The following CDH23 variants were observed in gnomAD, a reference collection of about 807,000 sequenced individuals.
The protein encoded by CDH23 is cadherin related 23.
In CDH23, 189 loss-of-function variants were observed where a neutral mutation model predicts 317.1. The observed-to-expected ratio is 0.60, with a 90% CI of 0.53 to 0.67. The LOEUF (loss-of-function observed/expected upper bound fraction) is 0.67, where lower values mean the gene tolerates loss of function less well. Ranked by LOEUF, CDH23 falls within the 30% of genes least tolerant of loss-of-function variation. CDH23 has a pLI of 0.00. For synonymous variants in CDH23, 1,839 were observed against 1,876.8 expected (o/e 0.98, Z 0.52); for missense variants, 4,401 against 4,592.4 (o/e 0.96, Z 1.20).
rs1309879612 is a variant in CDH23, at chr10:71,784,325, G to T, written c.5407G>T (p.Val1803Phe). 1 of 1,613,944 alleles carries T rather than the reference G, an allele frequency of 6.2e-7. No homozygotes were observed. The highest frequency in any genetic ancestry group is 8.5e-7 in the Non-Finnish European group (1 of 1,179,846). Residue 1803 changes from valine to phenylalanine, a missense_variant, in exon 42 of 70, where the codon GTC (valine) becomes TTC (phenylalanine). Val to Phe is a conservative substitution (Grantham distance 50, BLOSUM62 -1). Around this residue, in one of 3 missense-constraint regions of CDH23, gnomAD observed 3,068 missense variants for 3,203.3 expected, o/e 0.96. Transcript: ENST00000224721. ...CTCTCCTGTGGAGGGGGTGCTAAGG[G>T]TCCGGAAGGACGTGGAGCTGGACCG... is the stretch of plus-strand genomic sequence containing the variant. ...VISPVEGVLRVRKDVELDRET... is the reference protein window; with the variant it reads ...VISPVEGVLRFRKDVELDRET...
At chr10:71,588,565 G>A (rs932705631) in intron 9 of CDH23, among the ~76,000 whole-genome samples, 2 of 151,982 alleles carry the variant, frequency 1.3e-5, no homozygotes, top group African/African-American at 4.8e-5. Flanking sequence ...ACACAAACAA[G>A]AAAAACAATG....
intron 3 of CDH23, among the ~76,000 whole-genome samples, chr10:71,466,169 G>A (rs1042226565): frequency 2.6e-5 from 4 of 152,236 alleles, no homozygotes; most frequent in Admixed American, 6.5e-5. Context: ...GACTGTGGGT[G>A]TATGTGCCCG....
chr10:71,511,376 T>A, intron 6 of CDH23, 164 bp downstream of exon 6: 1 of 693,672 alleles, frequency 1.4e-6, no homozygotes. Context: ...GCTGGTACCC[T>A]GGGAATCGGG....
chr10:71,500,825 C>CT, intron 3 of CDH23, among the ~76,000 whole-genome samples: 1 of 132,376 alleles, frequency 7.6e-6, no homozygotes, highest in Admixed American at 7.9e-5. Flanking sequence ...TTTTCTCTTT[C>CT]CTTTCCTTTC....
intron 9 of CDH23, among the ~76,000 whole-genome samples, chr10:71,614,563 C>G (rs78605432): frequency 6.6e-6 from 1 of 152,090 alleles, no homozygotes; most frequent in Non-Finnish European, 1.5e-5. Flanking sequence ...TTCAGAGGGC[C>G]GGGAAGGGAG....
At chr10:71,725,604 C>A in intron 30 of CDH23, 84 bp downstream of exon 30, 1 of 1,461,212 alleles carries the variant, frequency 6.8e-7, no homozygotes, top group Middle Eastern at 2.0e-4. Flanking sequence ...TAGTTGGCGC[C>A]TGGTGTGGGC....
Position 71,446,398 on chromosome 10 carries a change from G to A in CDH23, c.145+3G>A, listed in dbSNP as rs1250483411. On this transcript the variant is annotated splice_donor_region_variant and intron_variant, in intron 3 of 69. Coordinates refer to ENST00000224721, the MANE Select transcript of CDH23 (RefSeq NM_022124.6). ...GATCAGCGAGGACACGCCTGTGGGTGAGTGGGGGCATGGGCTGGTGGGCGT... is the reference window on the plus strand; with the variant it reads ...GATCAGCGAGGACACGCCTGTGGGTAAGTGGGGGCATGGGCTGGTGGGCGT... The A allele has an allele frequency of 6.2e-7, 1 of 1,613,978 alleles. No homozygotes were observed. The highest frequency in any genetic ancestry group is 1.1e-5 in the South Asian group (1 of 91,078).
intron 34 of CDH23, among the ~76,000 whole-genome samples, chr10:71,737,413 G>A (rs1282638838): frequency 6.6e-6 from 1 of 152,212 alleles, no homozygotes; most frequent in Non-Finnish European, 1.5e-5. Flanking sequence ...GCCTAGCTGC[G>A]AAGCCCAGGC....
At chr10:71,679,281 G>A in intron 16 of CDH23, 106 bp from the exon 17 acceptor site, 1 of 812,542 alleles carries the variant, frequency 1.2e-6, no homozygotes, top group African/African-American at 1.7e-5. Context: ...ACCCAAAAAA[G>A]GAGCTGTGAA....
rs1045926224 is a variant in CDH23 at position 71,460,336 on chromosome 10, G to A, written c.145+13941G>A. 7.9e-5 allele frequency among the ~76,000 whole-genome samples: 12 copies of A among 152,356 alleles called. No individual in the cohort carries two copies. In the East Asian group the frequency reaches 2.3e-3, roughly 29 times the overall value. The stretch of plus-strand genomic sequence containing the variant: ...GGTCCCCTCTGGCCGTGTGCCCTTG[G>A]GCAAGGGAGAGGATGTGCCCTGGTG... On this transcript the variant is annotated intron_variant, in intron 3 of 69. Transcript: ENST00000224721.
intron 60 of CDH23, among the ~76,000 whole-genome samples, chr10:71,808,263 C>T (rs192146211): frequency 3.9e-5 from 6 of 152,306 alleles, no homozygotes; most frequent in Admixed American, 2.0e-4. Context: ...ATTAGTTATC[C>T]GTCCATCCAT....
intron 14 of CDH23, among the ~76,000 whole-genome samples, chr10:71,671,017 T>C (rs1864124033): frequency 1.3e-5 from 2 of 149,642 alleles, no homozygotes; most frequent in Admixed American, 1.4e-4. Context: ...TGGAGTGCAG[T>C]GGTGCAATCT....
chr10:71,544,855 C>T (rs1479094717), intron 6 of CDH23, among the ~76,000 whole-genome samples: 2 of 152,180 alleles, frequency 1.3e-5, no homozygotes, highest in African/African-American at 4.8e-5. Context: ...AGGAGCCCAT[C>T]GAATGATGTT....
At chr10:71,763,705 T>A (rs1038501969) in intron 38 of CDH23, among the ~76,000 whole-genome samples, 7 of 152,184 alleles carry the variant, frequency 4.6e-5, no homozygotes, top group African/African-American at 1.7e-4. Flanking sequence ...CAACGGTTAG[T>A]AATAATTCAC....
chr10:71,534,469 G>A (rs1855588760), intron 6 of CDH23, among the ~76,000 whole-genome samples: 1 of 152,138 alleles, frequency 6.6e-6, no homozygotes, highest in Non-Finnish European at 1.5e-5. Flanking sequence ...TCAGTCTTTT[G>A]CTACTGATAC....
chr10:71,761,495 C>T (rs1840383264), intron 38 of CDH23: 1 of 1,332,104 alleles, frequency 7.5e-7, no homozygotes, highest in Non-Finnish European at 1.0e-6. Context: ...CAGTGTTACC[C>T]ATGCAGCCTC....
At chr10:71,621,988 T>A (rs1444734795) in intron 11 of CDH23, among the ~76,000 whole-genome samples, 1 of 151,868 alleles carries the variant, frequency 6.6e-6, no homozygotes, top group Non-Finnish European at 1.5e-5. Flanking sequence ...ACAGTTGAGA[T>A]GCAAATAGCT....
At chr10:71,583,667 G>A (rs1193874589) in intron 9 of CDH23, among the ~76,000 whole-genome samples, 5 of 152,142 alleles carry the variant, frequency 3.3e-5, no homozygotes, top group South Asian at 2.1e-4. Flanking sequence ...GCCCACATCC[G>A]TTTCCCCATC....
chr10:71,542,223 A>G (rs1164444915), intron 6 of CDH23, among the ~76,000 whole-genome samples: 4 of 152,190 alleles, frequency 2.6e-5, no homozygotes, highest in African/African-American at 7.2e-5. Flanking sequence ...ATTAACAGCC[A>G]GGTATCTGGG....
Sources: allele counts gnomAD v4.1 joint callset (sites outside exome capture counted in the v4.1 genomes callset), GRCh38; gene constraint gnomAD v4.1.1; regional missense constraint gnomAD v4.1.1; transcripts MANE v1.5; gene names NCBI Gene and HGNC (gene_info 2026-07-23, HGNC 2026-07-21).